The following PPP1R13B variants were observed in gnomAD, a reference collection of about 807,000 sequenced individuals.
The protein encoded by PPP1R13B is protein phosphatase 1 regulatory subunit 13B.
Under a neutral mutation model 119.8 loss-of-function variants are expected in PPP1R13B, and 44 were observed. That is an observed-to-expected ratio of 0.37 (90% CI 0.29 to 0.47). PPP1R13B has a LOEUF of 0.47. PPP1R13B is among the 20% of genes least tolerant of loss of function. The pLI is 0.99. For missense variants in PPP1R13B, 1,227 were observed against 1,413.5 expected, an observed-to-expected ratio of 0.87 and a Z score of 2.12; for synonymous variants, 542 against 561.5, an observed-to-expected ratio of 0.97 and a Z score of 0.49.
chr14:103,738,841 C>T lies in PPP1R13B; in HGVS notation c.2731-29G>A. On this transcript the variant is annotated intron_variant, in intron 13 of 16. Transcript: ENST00000202556. This position sits in a 1 kb window ranked among gnomAD's most constrained non-coding sequence, Gnocchi z 5.6. ...GGACACACGGCCTGTGAGCGCCCAT[C>T]CCCTCGCCCCCAGCAGCGTGCACTG... is the stretch of plus-strand genomic sequence containing the variant. 6.2e-6 allele frequency: 10 copies of T among 1,613,574 alleles called. No homozygotes were observed. Among genetic ancestry groups the T allele is most frequent in the Non-Finnish European group, 8.5e-6 (10 of 1,179,616 alleles).
chr14:103,797,332 T>G, intron 2 of PPP1R13B, 39 bp downstream of exon 2: 2 of 1,530,282 alleles, frequency 1.3e-6, no homozygotes, highest in Non-Finnish European at 1.8e-6. Flanking sequence ...GTGATTTGAT[T>G]TTATCAATGT....
At chr14:103,822,146 T>C (rs796363314) in intron 1 of PPP1R13B, among the ~76,000 whole-genome samples, 6 of 152,216 alleles carry the variant, frequency 3.9e-5, no homozygotes, top group African/African-American at 1.4e-4. Context: ...CACTTTTTTT[T>C]TTTTGGAGAC....
intron 1 of PPP1R13B, among the ~76,000 whole-genome samples, chr14:103,828,021 A>G (rs962985992): frequency 6.6e-6 from 1 of 152,034 alleles, no homozygotes; most frequent in East Asian, 1.9e-4. Context: ...CAACCACACA[A>G]AGAGACTAAA....
At chr14:103,773,483 A>G (rs148686949) in intron 4 of PPP1R13B, among the ~76,000 whole-genome samples, 1 of 152,328 alleles carries the variant, frequency 6.6e-6, no homozygotes, top group Non-Finnish European at 1.5e-5. Flanking sequence ...TTAAATCCCA[A>G]AACTCCACTA....
chr14:103,733,956 C>CTCAT lies in PPP1R13B; in HGVS notation c.*1194_*1197dup, dbSNP rs1396696471. On this transcript the variant is annotated 3_prime_UTR_variant, in exon 17 of 17. Coordinates refer to ENST00000202556, the MANE Select transcript of PPP1R13B (RefSeq NM_015316.3). ...ACATTTTTACATAAATTACACACGA[C>CTCAT]TCATACATGAAAAATAGAGCCTAAG... is the stretch of plus-strand genomic sequence containing the variant. 6.3e-6 allele frequency: 1 copy of CTCAT among 158,270 alleles called. No individual in the cohort carries two copies. Among genetic ancestry groups the CTCAT allele is most frequent in the Non-Finnish European group, 1.4e-5 (1 of 71,288 alleles). The allele number at this position is 158,270 out of a possible 1,614,324, so 9.8% of individuals were successfully genotyped here. A position where few individuals can be genotyped will look rare whatever the true frequency, so the allele number is the denominator to read the frequency against.
In PPP1R13B at chr14:103,757,635, C is replaced by T; in HGVS notation, c.456+15G>A. 1 of 1,610,986 alleles carries T rather than the reference C, an allele frequency of 6.2e-7. No homozygotes were observed. The highest frequency in any genetic ancestry group is 8.5e-7 in the Non-Finnish European group (1 of 1,177,700). On this transcript the variant is annotated intron_variant, in intron 5 of 16. Transcript: ENST00000202556. ...CTTTTTGAACAATGTTTCAATACCT[C>T]TTTTTATAACTTACCTTGGCAACCA...
intron 12 of PPP1R13B, chr14:103,739,376 G>C: frequency 3.1e-6 from 1 of 320,670 alleles, no homozygotes; most frequent in Middle Eastern, 8.7e-4. Flanking sequence ...GCCCACATGC[G>C]ACAGGGTTCT....
chr14:103,822,331 C>T (rs565750800), intron 1 of PPP1R13B, among the ~76,000 whole-genome samples: 23 of 152,174 alleles, frequency 1.5e-4, no homozygotes, highest in African/African-American at 4.6e-4. Flanking sequence ...CACGGGGTTT[C>T]GCCGTGTTGA....
intron 1 of PPP1R13B, among the ~76,000 whole-genome samples, chr14:103,819,345 G>C (rs917060212): frequency 1.6e-4 from 25 of 151,886 alleles, no homozygotes; most frequent in African/African-American, 4.8e-5. Context: ...CACAGAATTA[G>C]GAAGACCTAG....
chr14:103,775,425 C>T (rs934961889), intron 4 of PPP1R13B, among the ~76,000 whole-genome samples: 1 of 152,138 alleles, frequency 6.6e-6, no homozygotes, highest in Non-Finnish European at 1.5e-5. Flanking sequence ...CAGGCACCTG[C>T]CATCATGCCC....
At chr14:103,820,898 G>A (rs192773869) in intron 1 of PPP1R13B, among the ~76,000 whole-genome samples, 5 of 151,790 alleles carry the variant, frequency 3.3e-5, no homozygotes, top group East Asian at 1.9e-4. Context: ...AGTTGTTTGC[G>A]GGGAAAAAAG....
upstream of PPP1R13B, chr14:103,847,858 G>C (rs1364495902): frequency 6.3e-6 from 1 of 158,308 alleles, no homozygotes; most frequent in Non-Finnish European, 1.4e-5. Flanking sequence ...GACGGTGGGA[G>C]GACTGAGGCC....
chr14:103,736,003 C>T lies in PPP1R13B; in HGVS notation c.3231G>A (p.Gly1077=), dbSNP rs376455154. 1 of 1,614,002 alleles carries T rather than the reference C, an allele frequency of 6.2e-7. No individual in the cohort carries two copies. Among genetic ancestry groups the T allele is most frequent in the African/African-American group, 1.3e-5 (1 of 74,922 alleles). The change falls in exon 16 of 17, where the codon GGG becomes GGA. Residue 1077 remains glycine (G), a splice_region_variant and synonymous_variant. Coordinates refer to ENST00000202556, the MANE Select transcript of PPP1R13B (RefSeq NM_015316.3). ...CCCAGTAAGTAACCTGAGTGCTCAC[C>T]CCCAGCAGGTTTTTGGGCACATAGC... ...REGYVPKNLL[G]LYPRIKPRQR... is the part of the protein sequence containing the mutation.
At chr14:103,766,329 C>T (rs1413221562) in intron 4 of PPP1R13B, among the ~76,000 whole-genome samples, 1 of 152,070 alleles carries the variant, frequency 6.6e-6, no homozygotes, top group Admixed American at 6.6e-5. Context: ...AATTCTTAAG[C>T]TTATTTTATA....
chr14:103,783,793 T>C (rs2085389978), intron 3 of PPP1R13B, among the ~76,000 whole-genome samples: 1 of 152,190 alleles, frequency 6.6e-6, no homozygotes, highest in Non-Finnish European at 1.5e-5. Context: ...TCAAGTGATC[T>C]GCCTGCCTCA....
At chr14:103,783,053 C>A (rs2085373750) in intron 3 of PPP1R13B, among the ~76,000 whole-genome samples, 2 of 151,866 alleles carry the variant, frequency 1.3e-5, no homozygotes, top group African/African-American at 4.8e-5. Flanking sequence ...TAATCCACCC[C>A]ACTCGGCCTC....
At chr14:103,841,273 G>A (rs958803535) in intron 1 of PPP1R13B, among the ~76,000 whole-genome samples, 1 of 151,534 alleles carries the variant, frequency 6.6e-6, no homozygotes, top group Non-Finnish European at 1.5e-5. Flanking sequence ...CAACAAGAGC[G>A]AAACTCTGTC....
intron 4 of PPP1R13B, among the ~76,000 whole-genome samples, chr14:103,775,644 A>G (rs1424289899): frequency 6.6e-6 from 1 of 152,218 alleles, no homozygotes; most frequent in Admixed American, 6.5e-5. Flanking sequence ...AATGCTTGCT[A>G]AAGTGTAACC....
At chr14:103,787,471 A>G (rs145609306) in intron 2 of PPP1R13B, among the ~76,000 whole-genome samples, 370 of 150,808 alleles carry the variant, frequency 2.5e-3, no homozygotes, top group Middle Eastern at 3.5e-3. Flanking sequence ...AAGAAAGTTC[A>G]TATCAGCTCA....
Sources: gnomAD v4.1 joint callset for allele counts (sites outside exome capture counted in the v4.1 genomes callset) on GRCh38, gnomAD v4.1.1 for gene constraint, Gnocchi (gnomAD v3.1) non-coding constraint, MANE v1.5 for transcripts, NCBI Gene and HGNC (gene_info 2026-07-23, HGNC 2026-07-21) for gene names.